GNG7: variants seen among roughly 807,000 people sequenced by gnomAD.
The protein encoded by GNG7 is G protein subunit gamma 7.
GNG7 carries 1 observed loss-of-function variant against 4.0 expected under a neutral mutation model. The ratio of observed to expected loss-of-function variants is 0.25; its 90% confidence interval spans 0.09 to 1.18. The LOEUF (loss-of-function observed/expected upper bound fraction) is 1.18, where lower values mean the gene tolerates loss of function less well. Ranked by LOEUF, GNG7 falls within the 50% of genes most tolerant of loss-of-function variation. The pLI is 0.50. For synonymous variants in GNG7, 34 were observed against 36.9 expected, an observed-to-expected ratio of 0.92 and a Z score of 0.29; for missense variants, 86 against 91.9, an observed-to-expected ratio of 0.94 and a Z score of 0.26.
At chr19:2,538,089 A>ACAAAC (rs770192949) in intron 3 of GNG7, 3 of 454,570 alleles carry the variant, frequency 6.6e-6, no homozygotes, top group Non-Finnish European at 1.3e-5. Flanking sequence ...ACAAAACAAA[A>ACAAAC]CAAAACAAAA....
chr19:2,645,310 C>T (rs1982636883), intron 2 of GNG7, among the ~76,000 whole-genome samples: 1 of 149,120 alleles, frequency 6.7e-6, no homozygotes, highest in Non-Finnish European at 1.5e-5. Context: ...ATGATCTTGG[C>T]TCACTGCAAC....
Position 2,618,629 on chromosome 19 carries a change from G to A in GNG7, c.-78+27595C>T, listed in dbSNP as rs914876547. ...CTCCCAAAGTGCTGGGATTACAGAC[G>A]TGAGCCACCGTGCCCAGCCTGTTCT... On this transcript the variant is annotated intron_variant, in intron 2 of 4. Coordinates refer to ENST00000382159, the MANE Select transcript of GNG7 (RefSeq NM_052847.3). This position sits in a 1 kb window ranked among gnomAD's most constrained non-coding sequence, Gnocchi z 5.1. Among the ~76,000 whole-genome samples the A allele has an allele frequency of 6.6e-6, 1 of 151,734 alleles. No homozygotes were observed.
Position 2,657,393 on chromosome 19 carries a change from T to C in GNG7, c.-134-11113A>G, listed in dbSNP as rs1290317413. On this transcript the variant is annotated intron_variant, in intron 1 of 4. Transcript: ENST00000382159. The stretch of plus-strand genomic sequence containing the variant: ...ATATATATATATATATATATATATA[T>C]ATATATACACATAATAACATTTATC... 1.1e-3 allele frequency among the ~76,000 whole-genome samples: 106 copies of C among 92,886 alleles called. 1 individual carries two copies. The highest frequency in any genetic ancestry group is 4.1e-3 in the African/African-American group (94 of 22,830). 60.9% of individuals were successfully genotyped at this position (92,886 alleles called of 152,430 possible). A position where few individuals can be genotyped will look rare whatever the true frequency, so the allele number is the denominator to read the frequency against.
At chr19:2,676,621 G>A (rs8107123) in intron 1 of GNG7, among the ~76,000 whole-genome samples, 1 of 151,824 alleles carries the variant, frequency 6.6e-6, no homozygotes, top group African/African-American at 2.4e-5. Context: ...TCACCATGTT[G>A]CCCAAGCTGG....
intron 1 of GNG7, among the ~76,000 whole-genome samples, chr19:2,650,437 C>G (rs1266907965): frequency 6.6e-6 from 1 of 152,108 alleles, no homozygotes; most frequent in Non-Finnish European, 1.5e-5. Flanking sequence ...GATCCGCCAG[C>G]CTTGGCCTCC....
chr19:2,697,657 C>T (rs971215349), intron 1 of GNG7, among the ~76,000 whole-genome samples: 4 of 152,182 alleles, frequency 2.6e-5, no homozygotes, highest in African/African-American at 9.7e-5. Flanking sequence ...AGAAATCAGC[C>T]GTGAAAGGAC....
At chr19:2,636,727 C>T (rs1456576338) in intron 2 of GNG7, among the ~76,000 whole-genome samples, 1 of 152,114 alleles carries the variant, frequency 6.6e-6, no homozygotes, top group South Asian at 2.1e-4. Context: ...GGGCAGGGGC[C>T]AACCATCTGG....
At chr19:2,525,461 C>T (rs1978360909) in intron 3 of GNG7, among the ~76,000 whole-genome samples, 1 of 144,618 alleles carries the variant, frequency 6.9e-6, no homozygotes, top group Non-Finnish European at 1.5e-5. Flanking sequence ...ATCCCACTCG[C>T]GCCTGAAAGT....
In GNG7 at chr19:2,557,211, A is replaced by G. The variant is rs1042099923; in HGVS notation, c.-77-2023T>C. On this transcript the variant is annotated intron_variant, in intron 2 of 4. Transcript: ENST00000382159. This position sits in a 1 kb window ranked among gnomAD's most constrained non-coding sequence, Gnocchi z 5.1. ...CACGTGCACACACATTTGCATGCAC[A>G]CACAGACACACATGCACACACAGAC... Among the ~76,000 whole-genome samples, 1 of 151,338 alleles carries G rather than the reference A, an allele frequency of 6.6e-6. No individual in the cohort carries two copies. Among genetic ancestry groups the G allele is most frequent in the Non-Finnish European group, 1.5e-5 (1 of 67,890 alleles).
At position 2,557,342 on chromosome 19, in the gene GNG7, T is replaced by C. The variant is rs73520479; in HGVS notation, c.-77-2154A>G. On this transcript the variant is annotated intron_variant, in intron 2 of 4. Coordinates refer to ENST00000382159, the MANE Select transcript of GNG7 (RefSeq NM_052847.3). The surrounding 1 kb of genome is among the most constrained non-coding windows in gnomAD (Gnocchi z 5.1). ...ACACATGTGCACACAGACACACACA[T>C]GTGCACACACACAGACACACACACA... Among the ~76,000 whole-genome samples, 9,182 of 149,454 alleles carry C rather than the reference T, an allele frequency of 0.061. 926 individuals are homozygous for C. The highest frequency in any genetic ancestry group is 0.21 in the African/African-American group (8,648 of 40,756).
At position 2,530,066 on chromosome 19, in the gene GNG7, A is replaced by G. The variant is rs139384446; in HGVS notation, c.-37-9341T>C. ...CTCTTGGCAGATTTTGGCTTGCACA[A>G]TGGTGGATTAGCAGCTAAGGACAAA... On this transcript the variant is annotated intron_variant, in intron 3 of 4. Coordinates refer to ENST00000382159, the MANE Select transcript of GNG7 (RefSeq NM_052847.3). Among the ~76,000 whole-genome samples, 34 of 152,346 alleles carry G rather than the reference A, an allele frequency of 2.2e-4. No individual in the cohort carries two copies. In the East Asian group the frequency reaches 6.4e-3, roughly 29 times the overall value.
chr19:2,579,230 T>G (rs915563617), intron 2 of GNG7, among the ~76,000 whole-genome samples: 4 of 152,190 alleles, frequency 2.6e-5, no homozygotes, highest in African/African-American at 4.8e-5. Flanking sequence ...ACTCGGACCA[T>G]GTGGCTAAGT....
chr19:2,695,956 C>T (rs367686078), intron 1 of GNG7, among the ~76,000 whole-genome samples: 9 of 145,302 alleles, frequency 6.2e-5, no homozygotes, highest in African/African-American at 1.7e-4. Flanking sequence ...GTCAGGAGTT[C>T]GAGACCAGCC....
chr19:2,609,301 A>G lies in GNG7; in HGVS notation c.-78+36923T>C, dbSNP rs1568261736. ...CAGTGTCCTGTGGAGCTGGGACTAC[A>G]GGCACGTACCACCCCACCCAGCTAA... On this transcript the variant is annotated intron_variant, in intron 2 of 4. Transcript: ENST00000382159. This position sits in a 1 kb window ranked among gnomAD's most constrained non-coding sequence, Gnocchi z 4.4. Among the ~76,000 whole-genome samples the G allele has an allele frequency of 6.6e-6, 1 of 152,170 alleles. No individual in the cohort carries two copies. Among genetic ancestry groups the G allele is most frequent in the East Asian group, 1.9e-4 (1 of 5,196 alleles).
At chr19:2,533,522 T>A (rs1978655983) in intron 3 of GNG7, among the ~76,000 whole-genome samples, 1 of 152,158 alleles carries the variant, frequency 6.6e-6, no homozygotes. Context: ...TCCATCAAAC[T>A]GTATCTTTAA....
chr19:2,556,733 G>A (rs1434449981), intron 2 of GNG7, among the ~76,000 whole-genome samples: 1 of 152,152 alleles, frequency 6.6e-6, no homozygotes, highest in Non-Finnish European at 1.5e-5. Flanking sequence ...GGTGACTGAG[G>A]TCACCTTCTC....
intron 1 of GNG7, among the ~76,000 whole-genome samples, chr19:2,685,615 A>T (rs1983851599): frequency 1.3e-5 from 2 of 152,126 alleles, no homozygotes; most frequent in Admixed American, 6.5e-5. Flanking sequence ...ACAGAGGGAG[A>T]CCCTGTCTCA....
chr19:2,662,436 A>T (rs1486096094), intron 1 of GNG7, among the ~76,000 whole-genome samples: 1 of 152,092 alleles, frequency 6.6e-6, no homozygotes, highest in Non-Finnish European at 1.5e-5. Context: ...CCCCCACAAG[A>T]CTGCCCCTAA....
intron 1 of GNG7, among the ~76,000 whole-genome samples, chr19:2,657,078 A>C (rs61162983): frequency 0.014 from 2,129 of 151,874 alleles, 33 homozygotes; most frequent in African/African-American, 0.037. Context: ...TCATGCCTGT[A>C]ATCCCAGCCC....
Sources: allele counts gnomAD v4.1 joint callset (sites outside exome capture counted in the v4.1 genomes callset), GRCh38; gene constraint gnomAD v4.1.1; non-coding constraint Gnocchi (gnomAD v3.1); transcripts MANE v1.5; gene names NCBI Gene and HGNC (gene_info 2026-07-23, HGNC 2026-07-21).